The following EFCAB6 variants were observed in gnomAD, a reference collection of about 807,000 sequenced individuals.
EFCAB6 encodes EF-hand calcium binding domain 6, also known as EF-hand calcium-binding domain-containing protein 6.
A neutral mutation model predicts 169.8 loss-of-function variants in EFCAB6; 156 were observed. That is an observed-to-expected ratio of 0.92 (90% CI 0.81 to 1.05). The LOEUF is 1.05. Ranked by LOEUF, EFCAB6 falls within the 50% of genes least tolerant of loss-of-function variation. The pLI is 0.00. For synonymous variants in EFCAB6, 698 were observed against 676.4 expected (o/e 1.03, Z -0.50); for missense variants, 1,800 against 1,829.1 (o/e 0.98, Z 0.29).
At position 43,635,174 on chromosome 22, in the gene EFCAB6, C is replaced by CATACTG; in HGVS notation, c.2020_2025dup (p.Gln674_Tyr675dup). Reference sequence around the variant, plus strand: ...AAGCCTATTTTAGTGGTCAGCAGGGCATACTGATCATCGTCCATGGGCATC... The same window carrying CATACTG: ...AAGCCTATTTTAGTGGTCAGCAGGGCATACTGATACTGATCATCGTCCATGGGCATC... On this transcript the variant is annotated inframe_insertion, in exon 18 of 32. Coordinates refer to ENST00000262726, the MANE Select transcript of EFCAB6 (RefSeq NM_022785.4). The CATACTG allele has an allele frequency of 1.2e-6, 2 of 1,614,132 alleles. No individual in the cohort carries two copies. Among genetic ancestry groups the CATACTG allele is most frequent in the Admixed American group, 1.7e-5 (1 of 60,014 alleles).
intron 10 of EFCAB6, among the ~76,000 whole-genome samples, chr22:43,700,597 C>A (rs572927113): frequency 1.3e-5 from 2 of 152,250 alleles, no homozygotes; most frequent in South Asian, 4.1e-4. Context: ...CAGAACGGTC[C>A]CCTCGTGCTG....
At position 43,626,629 on chromosome 22, in the gene EFCAB6, G is replaced by C; in HGVS notation, c.2283C>G (p.Ile761Met). ...FKTDADRDGI[I>M]NMHDLHRLLL... ...GCAGTCTGTGAAGGTCATGCATGTT[G>C]ATTATGCCATCCCTGTCAGCATCTG... Residue 761 changes from isoleucine (I) to methionine (M), a missense_variant, in exon 20 of 32, where the codon ATC becomes ATG. Coordinates refer to ENST00000262726, the MANE Select transcript of EFCAB6 (RefSeq NM_022785.4). 3 of 1,614,188 alleles carry C rather than the reference G, an allele frequency of 1.9e-6. No homozygotes were observed. The highest frequency in any genetic ancestry group is 1.3e-5 in the African/African-American group (1 of 75,038).
chr22:43,542,486 G>A (rs1215789395), intron 27 of EFCAB6, among the ~76,000 whole-genome samples: 2 of 152,172 alleles, frequency 1.3e-5, no homozygotes, highest in Non-Finnish European at 2.9e-5. Context: ...AGGCTGAGAC[G>A]AGAGAATCGC....
intron 10 of EFCAB6, among the ~76,000 whole-genome samples, chr22:43,701,727 T>TA (rs60568189): frequency 0.17 from 16,822 of 97,332 alleles, 1,194 homozygotes; most frequent in Non-Finnish European, 0.24. Context: ...TTTTAAACAA[T>TA]AAAAAAAAAA....
chr22:43,595,929 A>G (rs2051964572), intron 23 of EFCAB6, among the ~76,000 whole-genome samples: 1 of 152,210 alleles, frequency 6.6e-6, no homozygotes, highest in African/African-American at 2.4e-5. Context: ...CCAGGGATGC[A>G]AGGATGGTTC....
chr22:43,800,340 T>C (rs1290397011), intron 2 of EFCAB6, among the ~76,000 whole-genome samples: 1 of 152,100 alleles, frequency 6.6e-6, no homozygotes, highest in Admixed American at 6.6e-5. Context: ...AAAGAACCTC[T>C]AAGAAAATAT....
chr22:43,625,516 T>C (rs1163737399), intron 20 of EFCAB6, among the ~76,000 whole-genome samples: 3 of 151,860 alleles, frequency 2.0e-5, no homozygotes, highest in Non-Finnish European at 4.4e-5. Flanking sequence ...TTGGATGGGG[T>C]TGGATGGTAG....
At chr22:43,754,374 G>C (rs1034715240) in intron 6 of EFCAB6, among the ~76,000 whole-genome samples, 1 of 152,186 alleles carries the variant, frequency 6.6e-6, no homozygotes, top group Non-Finnish European at 1.5e-5. Flanking sequence ...CCGGGTCCCG[G>C]GGTCAGTCTC....
At chr22:43,726,289 A>G (rs1375818243) in intron 8 of EFCAB6, among the ~76,000 whole-genome samples, 1 of 150,206 alleles carries the variant, frequency 6.7e-6, no homozygotes, top group Non-Finnish European at 1.5e-5. Context: ...AAAAAAAAAA[A>G]AAAAAAAAAA....
chr22:43,542,114 G>A (rs376628055), intron 27 of EFCAB6, among the ~76,000 whole-genome samples: 5 of 152,236 alleles, frequency 3.3e-5, no homozygotes, highest in East Asian at 1.9e-4. Flanking sequence ...AGCTGGACTC[G>A]GAGCTGAGGA....
chr22:43,704,905 A>G (rs2147308682), intron 10 of EFCAB6, among the ~76,000 whole-genome samples: 1 of 152,268 alleles, frequency 6.6e-6, no homozygotes, highest in South Asian at 2.1e-4. Context: ...TTCCCTATCA[A>G]TAATTACTAT....
At chr22:43,809,756 T>C (rs925168499) in intron 1 of EFCAB6, among the ~76,000 whole-genome samples, 5 of 152,070 alleles carry the variant, frequency 3.3e-5, no homozygotes, top group African/African-American at 1.2e-4. Context: ...TACAGGTGCC[T>C]GCCACCATGC....
At chr22:43,584,965 C>T (rs1334894963) in intron 24 of EFCAB6, among the ~76,000 whole-genome samples, 1 of 152,172 alleles carries the variant, frequency 6.6e-6, no homozygotes, top group African/African-American at 2.4e-5. Context: ...ATAGCTACAG[C>T]AAACATTAAA....
intron 26 of EFCAB6, among the ~76,000 whole-genome samples, chr22:43,565,239 C>G (rs1253600780): frequency 6.6e-6 from 1 of 152,204 alleles, no homozygotes; most frequent in African/African-American, 2.4e-5. Flanking sequence ...AGGAGAATGA[C>G]AGAGATGAAG....
At chr22:43,776,026 C>T (rs931900508) in intron 3 of EFCAB6, among the ~76,000 whole-genome samples, 1 of 152,224 alleles carries the variant, frequency 6.6e-6, no homozygotes, top group Non-Finnish European at 1.5e-5. Context: ...TATTTCGAGC[C>T]ACAATGTTTA....
intron 6 of EFCAB6, among the ~76,000 whole-genome samples, chr22:43,746,641 TG>T (rs2060573914): frequency 6.6e-6 from 1 of 152,166 alleles, no homozygotes; most frequent in Non-Finnish European, 1.5e-5. Flanking sequence ...CTGGGTGCGG[TG>T]GCTCATGCCT....
At chr22:43,733,808 A>G in intron 7 of EFCAB6, among the ~76,000 whole-genome samples, 1 of 152,124 alleles carries the variant, frequency 6.6e-6, no homozygotes, top group Non-Finnish European at 1.5e-5. Flanking sequence ...TCCCGGGTTC[A>G]AGCGATTCTC....
chr22:43,732,994 C>G (rs1046476798), intron 7 of EFCAB6, among the ~76,000 whole-genome samples: 3 of 152,136 alleles, frequency 2.0e-5, no homozygotes, highest in Admixed American at 6.5e-5. Context: ...GTAATTATCA[C>G]TTAAAGTATT....
intron 12 of EFCAB6, among the ~76,000 whole-genome samples, chr22:43,683,201 T>C (rs2058070313): frequency 6.6e-6 from 1 of 152,190 alleles, no homozygotes; most frequent in Non-Finnish European, 1.5e-5. Context: ...ATCAAAAGGA[T>C]CCAAATGCTG....
Sources: allele counts gnomAD v4.1 joint callset (sites outside exome capture counted in the v4.1 genomes callset), GRCh38; gene constraint gnomAD v4.1.1; transcripts MANE v1.5; gene names NCBI Gene and HGNC (gene_info 2026-07-23, HGNC 2026-07-21).